Variants in WDTC1 observed in about 807,000 individuals in gnomAD.
WDTC1 encodes WD and tetratricopeptide repeats 1.
Under a neutral mutation model 76.0 loss-of-function variants are expected in WDTC1, and 12 were observed. That is an observed-to-expected ratio of 0.16 (90% CI 0.10 to 0.26). The LOEUF is 0.26. Among genes scored for constraint, WDTC1 ranks in the 10% least tolerant of loss-of-function variants. The pLI is 1.00. For synonymous variants in WDTC1, 326 were observed against 350.8 expected (o/e 0.93, Z 0.79); for missense variants, 511 against 908.8 (o/e 0.56, Z 5.63).
chr1:27,235,288 C>T (rs1388241538), intron 1 of WDTC1, among the ~76,000 whole-genome samples: 3 of 152,038 alleles, frequency 2.0e-5, no homozygotes, highest in Admixed American at 6.6e-5. Context: ...GATCTGGCGC[C>T]GGAGTCAGGA....
chr1:27,240,501 C>T (rs1167229609), intron 1 of WDTC1, among the ~76,000 whole-genome samples: 1 of 152,078 alleles, frequency 6.6e-6, no homozygotes, highest in African/African-American at 2.4e-5. Flanking sequence ...TACTAGACCT[C>T]ACTGATTGCC....
chr1:27,256,505 G>C (rs1225057917), intron 1 of WDTC1, among the ~76,000 whole-genome samples: 1 of 152,224 alleles, frequency 6.6e-6, no homozygotes, highest in African/African-American at 2.4e-5. Context: ...TTCAAATGCT[G>C]AGAAGCCAGA....
chr1:27,294,731 C>T (rs1359513786), intron 9 of WDTC1, 102 bp downstream of exon 9: 4 of 946,278 alleles, frequency 4.2e-6, no homozygotes, highest in African/African-American at 1.6e-5. Context: ...GACACAACAG[C>T]CTTATGGTAA....
rs1241364498 is a variant in WDTC1, at chr1:27,307,711, A to G, written c.*1328A>G. The stretch of plus-strand genomic sequence containing the variant: ...GGAGGGCCATGTTAAAAGCTTTTTC[A>G]CAGTTTTAAGAAGACAAGTGGAGGG... On this transcript the variant is annotated 3_prime_UTR_variant, in exon 16 of 16. Transcript: ENST00000319394. This position sits in a 1 kb window ranked among gnomAD's most constrained non-coding sequence, Gnocchi z 4.1. 6.5e-6 allele frequency: 1 copy of G among 152,694 alleles called. No individual in the cohort carries two copies. The highest frequency in any genetic ancestry group is 1.5e-5 in the Non-Finnish European group (1 of 68,160). The allele number at this position is 152,694 out of a possible 1,614,324, so 9.5% of individuals were successfully genotyped here.
intron 3 of WDTC1, among the ~76,000 whole-genome samples, chr1:27,267,468 T>A (rs764914364): frequency 3.3e-5 from 5 of 152,150 alleles, no homozygotes; most frequent in Non-Finnish European, 7.4e-5. Flanking sequence ...GGTCTCAAAC[T>A]CCTGTCCTCA....
At chr1:27,247,857 TA>T (rs2011902391) in intron 1 of WDTC1, among the ~76,000 whole-genome samples, 1 of 152,096 alleles carries the variant, frequency 6.6e-6, no homozygotes, top group African/African-American at 2.4e-5. Flanking sequence ...TAGCTGGGAT[TA>T]TAGGCACCTG....
At chr1:27,291,593 T>C (rs2013538019) in intron 6 of WDTC1, among the ~76,000 whole-genome samples, 1 of 152,252 alleles carries the variant, frequency 6.6e-6, no homozygotes, top group East Asian at 1.9e-4. Flanking sequence ...TTTGCTGCTG[T>C]TTGGTAGACT....
rs972722502 is a variant in WDTC1 at position 27,307,386 on chromosome 1, C to T, written c.*1003C>T. ...GGGAAAGTCCCTTACTCGGCCCCTCCCTCCCCAGCAGCCCCAAGCTTTACA... is the reference window on the plus strand; with the variant it reads ...GGGAAAGTCCCTTACTCGGCCCCTCTCTCCCCAGCAGCCCCAAGCTTTACA... On this transcript the variant is annotated 3_prime_UTR_variant, in exon 16 of 16. Transcript: ENST00000319394. This position sits in a 1 kb window ranked among gnomAD's most constrained non-coding sequence, Gnocchi z 4.1. 2 of 153,180 alleles carry T rather than the reference C, an allele frequency of 1.3e-5. No individual in the cohort carries two copies. The highest frequency in any genetic ancestry group is 4.8e-5 in the African/African-American group (2 of 41,414). 9.5% of individuals were successfully genotyped at this position (153,180 alleles called of 1,614,324 possible). A position where few individuals can be genotyped will look rare whatever the true frequency, so the allele number is the denominator to read the frequency against.
chr1:27,261,802 C>T (rs534312580), intron 2 of WDTC1, among the ~76,000 whole-genome samples: 1 of 152,256 alleles, frequency 6.6e-6, no homozygotes, highest in African/African-American at 2.4e-5. Context: ...CCTCCTGTGC[C>T]TCAGTTTTAT....
At chr1:27,270,753 AAAACAAAC>A (rs1053242623) in intron 3 of WDTC1, among the ~76,000 whole-genome samples, 2 of 152,194 alleles carry the variant, frequency 1.3e-5, no homozygotes, top group Non-Finnish European at 1.5e-5. Context: ...TCCTATCTCA[AAAACAAAC>A]AAACAAACAA....
chr1:27,259,635 T>C (rs1342059051), intron 1 of WDTC1, among the ~76,000 whole-genome samples: 2 of 152,094 alleles, frequency 1.3e-5, no homozygotes, highest in Non-Finnish European at 2.9e-5. Context: ...CACCTGACTT[T>C]TCTTTTTCTT....
intron 9 of WDTC1, among the ~76,000 whole-genome samples, chr1:27,295,784 G>C (rs1215372863): frequency 6.6e-6 from 1 of 151,484 alleles, no homozygotes; most frequent in Non-Finnish European, 1.5e-5. Flanking sequence ...TGTTTGTTTT[G>C]AGGCAGGGTC....
intron 7 of WDTC1, 144 bp from the exon 8 acceptor site, chr1:27,293,878 G>A (rs569385461): frequency 1.3e-4 from 85 of 646,646 alleles, no homozygotes; most frequent in African/African-American, 1.3e-3. Flanking sequence ...CTAGTTGGTG[G>A]GCCTTTGGGG....
chr1:27,254,021 T>G (rs775401677), intron 1 of WDTC1, among the ~76,000 whole-genome samples: 7 of 152,222 alleles, frequency 4.6e-5, no homozygotes, highest in Non-Finnish European at 1.0e-4. Context: ...AAACTTGTTA[T>G]GCCCCTTGGT....
intron 3 of WDTC1, among the ~76,000 whole-genome samples, chr1:27,268,737 CAG>C (rs1341875813): frequency 2.1e-5 from 3 of 140,908 alleles, no homozygotes; most frequent in African/African-American, 8.0e-5. Flanking sequence ...TTTTTTGAGA[CAG>C]AGTCTCACTC....
Position 27,305,523 on chromosome 1 carries a change from T to C in WDTC1, c.1836+330T>C, listed in dbSNP as rs372867199. On this transcript the variant is annotated intron_variant, in intron 15 of 15. Transcript: ENST00000319394. The surrounding 1 kb of genome is among the most constrained non-coding windows in gnomAD (Gnocchi z 4.6). ...CTTTTAATCATCTGTACATTGGGAA[T>C]GGGAATGACAGCACCACCTTGAAAG... Among the ~76,000 whole-genome samples, 2 of 152,094 alleles carry C rather than the reference T, an allele frequency of 1.3e-5. No homozygotes were observed.
At chr1:27,282,350 G>A in intron 4 of WDTC1, 65 bp downstream of exon 4, 5 of 1,523,182 alleles carry the variant, frequency 3.3e-6, no homozygotes, top group East Asian at 2.3e-5. Context: ...GAACAGCAAG[G>A]CTCCTCCTGA....
intron 9 of WDTC1, 127 bp from the exon 10 acceptor site, chr1:27,296,199 T>A (rs2013678209): frequency 9.0e-7 from 1 of 1,113,192 alleles, no homozygotes; most frequent in South Asian, 1.4e-5. Context: ...GATAGCTTGA[T>A]TGTTCTATGC....
intron 14 of WDTC1, chr1:27,304,009 A>G: frequency 1.7e-6 from 1 of 578,738 alleles, no homozygotes; most frequent in Non-Finnish European, 2.9e-6. Context: ...AACAAGGACT[A>G]ATAAGATAAC....
Sources: allele counts gnomAD v4.1 joint callset (sites outside exome capture counted in the v4.1 genomes callset), GRCh38; gene constraint gnomAD v4.1.1; non-coding constraint Gnocchi (gnomAD v3.1); transcripts MANE v1.5; gene names NCBI Gene and HGNC (gene_info 2026-07-23, HGNC 2026-07-21).